The following CLIC5 variants were observed in gnomAD, a reference collection of about 807,000 sequenced individuals.
CLIC5 encodes the protein CLIC family member 5, also known as chloride intracellular channel protein 5.
CLIC5 carries 20 observed loss-of-function variants against 24.7 expected under a neutral mutation model. The ratio of observed to expected loss-of-function variants is 0.81; its 90% CI spans 0.57 to 1.18. The LOEUF (loss-of-function observed/expected upper bound fraction) is 1.18. Ranked by LOEUF, CLIC5 falls within the 50% of genes most tolerant of loss-of-function variation. The probability of loss-of-function intolerance (pLI) is 0.00; values close to 1 mark genes in which losing one functional copy is unlikely to be tolerated. For synonymous variants in CLIC5, 159 were observed against 135.6 expected, an observed-to-expected ratio of 1.17 and a Z score of -1.20; for missense variants, 341 against 326.1, an observed-to-expected ratio of 1.05 and a Z score of -0.35.
intron 3 of CLIC5, among the ~76,000 whole-genome samples, chr6:45,943,814 C>T (rs1467796461): frequency 1.3e-5 from 2 of 152,054 alleles, no homozygotes; most frequent in African/African-American, 2.4e-5. Flanking sequence ...ATCCTGTTTC[C>T]CAAGCACTAG....
chr6:46,102,273 T>C, the CLIC5 span, among the ~76,000 whole-genome samples: 1 of 152,198 alleles, frequency 6.6e-6, no homozygotes, highest in African/African-American at 2.4e-5. Flanking sequence ...GGGTATGATC[T>C]AATGCTAATA....
chr6:45,955,560 G>A (rs1002703633), intron 1 of CLIC5, among the ~76,000 whole-genome samples: 1 of 150,026 alleles, frequency 6.7e-6, no homozygotes, highest in African/African-American at 2.5e-5. Context: ...AAATGATATT[G>A]GAATGCCAAC....
chr6:45,933,622 A>G (rs927666272), intron 4 of CLIC5, among the ~76,000 whole-genome samples: 1 of 152,242 alleles, frequency 6.6e-6, no homozygotes, highest in Non-Finnish European at 1.5e-5. Flanking sequence ...AGAGTCTTCC[A>G]TAAAAAGAGA....
At chr6:46,010,305 T>C (rs1343639100) in intron 1 of CLIC5, among the ~76,000 whole-genome samples, 1 of 152,108 alleles carries the variant, frequency 6.6e-6, no homozygotes, top group African/African-American at 2.4e-5. Flanking sequence ...GCCAGATCCA[T>C]ACTCAGCTTG....
intron 1 of CLIC5, among the ~76,000 whole-genome samples, chr6:46,002,246 T>TTG (rs1766390306): frequency 2.1e-5 from 3 of 139,614 alleles, no homozygotes; most frequent in African/African-American, 7.8e-5. Flanking sequence ...TGTAATTTTT[T>TTG]TTGTTGTTGT....
intron 1 of CLIC5, among the ~76,000 whole-genome samples, chr6:46,049,873 A>G (rs888343756): frequency 1.3e-5 from 2 of 152,214 alleles, no homozygotes; most frequent in Non-Finnish European, 2.9e-5. Context: ...AACAAGATTC[A>G]AGGTTTTTTG....
chr6:45,912,133 C>T (rs1454803435), intron 5 of CLIC5: 1 of 986,656 alleles, frequency 1.0e-6, no homozygotes, highest in Non-Finnish European at 1.2e-6. Flanking sequence ...GCTCCCACAG[C>T]CCAGATTAAG....
chr6:45,984,248 G>A (rs1025683650), intron 1 of CLIC5, among the ~76,000 whole-genome samples: 4 of 152,226 alleles, frequency 2.6e-5, no homozygotes, highest in African/African-American at 4.8e-5. Flanking sequence ...CTCAAGATGA[G>A]AGGGATGTGT....
the CLIC5 span, among the ~76,000 whole-genome samples, chr6:46,108,393 T>A: frequency 7.4e-5 from 10 of 135,146 alleles, no homozygotes; most frequent in South Asian, 5.9e-4. Context: ...TGTGTGTGTG[T>A]GTGTGTGTGA....
intron 6 of CLIC5, among the ~76,000 whole-genome samples, chr6:45,882,596 T>G (rs889997410): frequency 3.3e-5 from 5 of 152,250 alleles, no homozygotes; most frequent in African/African-American, 1.2e-4. Flanking sequence ...TTTGAGTACA[T>G]TTCTTTACTG....
At chr6:45,957,739 G>A (rs1361226623) in intron 1 of CLIC5, among the ~76,000 whole-genome samples, 4 of 152,176 alleles carry the variant, frequency 2.6e-5, no homozygotes, top group South Asian at 2.1e-4. Context: ...TACTTTCACT[G>A]TCTGGGTGTC....
At chr6:46,086,020 G>T in the CLIC5 span, among the ~76,000 whole-genome samples, 3 of 152,238 alleles carry the variant, frequency 2.0e-5, no homozygotes, top group Non-Finnish European at 4.4e-5. Flanking sequence ...CAATCAGTGA[G>T]ACTCCGTGGG....
chr6:46,066,185 C>A (rs939203062), intron 1 of CLIC5, among the ~76,000 whole-genome samples: 2 of 152,114 alleles, frequency 1.3e-5, no homozygotes, highest in Admixed American at 6.6e-5. Flanking sequence ...ACCAGGCAAA[C>A]AATCAACCTA....
intron 1 of CLIC5, among the ~76,000 whole-genome samples, chr6:46,012,462 G>C (rs567724596): frequency 6.6e-6 from 1 of 152,216 alleles, no homozygotes; most frequent in Admixed American, 6.5e-5. Context: ...AATGTTCCCC[G>C]AAAGGGAAAG....
downstream of CLIC5, among the ~76,000 whole-genome samples, chr6:45,895,298 C>T (rs1762383935): frequency 6.6e-6 from 1 of 152,160 alleles, no homozygotes; most frequent in Non-Finnish European, 1.5e-5. Flanking sequence ...AACACCTAAT[C>T]TAGGCACAAG....
At chr6:46,021,687 A>T (rs1034829377) in intron 1 of CLIC5, among the ~76,000 whole-genome samples, 3 of 152,364 alleles carry the variant, frequency 2.0e-5, no homozygotes, top group African/African-American at 7.2e-5. Context: ...CAGTCTCAAA[A>T]GGTTACTTAC....
At chr6:46,088,171 G>GTGTGTC in the CLIC5 span, among the ~76,000 whole-genome samples, 1 of 151,278 alleles carries the variant, frequency 6.6e-6, no homozygotes, top group African/African-American at 2.4e-5. Context: ...CTGTGTGTGT[G>GTGTGTC]TGTGTGTGTG....
At chr6:46,075,162 T>C (rs1762732323) in intron 1 of CLIC5, among the ~76,000 whole-genome samples, 1 of 152,152 alleles carries the variant, frequency 6.6e-6, no homozygotes, top group African/African-American at 2.4e-5. Flanking sequence ...ATGAGGAAGG[T>C]ATCATAATGT....
chr6:45,956,203 C>T lies in CLIC5; in HGVS notation c.64-959G>A, dbSNP rs565870280. 2.6e-5 allele frequency among the ~76,000 whole-genome samples: 4 copies of T among 152,292 alleles called. No homozygotes were observed. The South Asian group carries it at 8.3e-4, about 32-fold the overall frequency. On this transcript the variant is annotated intron_variant, in intron 1 of 5. Coordinates refer to ENST00000339561, the MANE Select transcript of CLIC5 (RefSeq NM_016929.5). ...CATAAAGAATTAATTTCAAGCAAAC[C>T]TATGAACAAACAAAAAAGGTTGGGG...
Sources: gnomAD v4.1 joint callset for allele counts (sites outside exome capture counted in the v4.1 genomes callset) on GRCh38, gnomAD v4.1.1 for gene constraint, MANE v1.5 for transcripts, NCBI Gene and HGNC (gene_info 2026-07-23, HGNC 2026-07-21) for gene names.